REEP3: variants seen among roughly 807,000 people sequenced by gnomAD.
The protein encoded by REEP3 is receptor expression-enhancing protein 3.
REEP3 carries 20 observed loss-of-function variants against 41.3 expected under a neutral mutation model. That is an observed-to-expected ratio of 0.48 (90% CI 0.34 to 0.70). The LOEUF (loss-of-function observed/expected upper bound fraction) is 0.70, where lower values mean the gene tolerates loss of function less well. Among genes scored for constraint, REEP3 ranks in the 30% least tolerant of loss-of-function variants. The pLI, the probability that REEP3 is intolerant of heterozygous loss-of-function variation, is 0.01. For synonymous variants in REEP3, 104 were observed against 101.8 expected, an observed-to-expected ratio of 1.02 and a Z score of -0.13; for missense variants, 271 against 308.8, an observed-to-expected ratio of 0.88 and a Z score of 0.92.
chr10:63,539,741 T>C (rs1311968253), intron 1 of REEP3, among the ~76,000 whole-genome samples: 1 of 152,236 alleles, frequency 6.6e-6, no homozygotes, highest in Non-Finnish European at 1.5e-5. Flanking sequence ...TTACAAAGTA[T>C]TATACCATAT....
At chr10:63,551,831 A>G (rs978858046) in intron 1 of REEP3, among the ~76,000 whole-genome samples, 31 of 152,312 alleles carry the variant, frequency 2.0e-4, no homozygotes, top group African/African-American at 6.5e-4. Flanking sequence ...AAATTTGAAT[A>G]AAGTATGGAC....
intron 1 of REEP3, among the ~76,000 whole-genome samples, chr10:63,560,331 C>T (rs1047749781): frequency 6.6e-6 from 1 of 151,924 alleles, no homozygotes; most frequent in African/African-American, 2.4e-5. Flanking sequence ...GTTATTAAAC[C>T]ATTATTTATA....
chr10:63,603,475 A>G (rs1049820382), intron 5 of REEP3, among the ~76,000 whole-genome samples: 1 of 152,230 alleles, frequency 6.6e-6, no homozygotes, highest in South Asian at 2.1e-4. Context: ...CTTTTAATTT[A>G]TACGTTTAAC....
At chr10:63,583,695 A>G (rs561670715) in intron 2 of REEP3, among the ~76,000 whole-genome samples, 1 of 152,262 alleles carries the variant, frequency 6.6e-6, no homozygotes, top group Non-Finnish European at 1.5e-5. Context: ...TGTGTAGTCC[A>G]GTCTATATTT....
intron 1 of REEP3, among the ~76,000 whole-genome samples, chr10:63,530,406 GATAC>G (rs1955409386): frequency 6.6e-6 from 1 of 152,112 alleles, no homozygotes; most frequent in Admixed American, 6.5e-5. Flanking sequence ...CTAAGAATAA[GATAC>G]ATTGCTATTA....
At chr10:63,571,314 TTC>T (rs1373847300) in intron 2 of REEP3, among the ~76,000 whole-genome samples, 1 of 152,242 alleles carries the variant, frequency 6.6e-6, no homozygotes, top group African/African-American at 2.4e-5. Flanking sequence ...CGTAAATTTA[TTC>T]TCTTACAGTC....
intron 1 of REEP3, among the ~76,000 whole-genome samples, chr10:63,545,680 GTTTTTTTT>G (rs55779021): frequency 1.8e-5 from 1 of 55,414 alleles, no homozygotes; most frequent in Admixed American, 3.0e-4. Context: ...GCCAACTTCT[GTTTTTTTT>G]TTTTTTTTTT....
At chr10:63,618,237 CTTTTTTTTTT>C (rs60115766) in intron 6 of REEP3, among the ~76,000 whole-genome samples, 1 of 66,576 alleles carries the variant, frequency 1.5e-5, no homozygotes, top group Non-Finnish European at 2.9e-5. Context: ...TTTCCTTCTT[CTTTTTTTTTT>C]TTTTTTTTTT....
intron 6 of REEP3, among the ~76,000 whole-genome samples, 196 bp downstream of exon 6, chr10:63,610,530 TAACA>T (rs1287750801): frequency 2.6e-5 from 4 of 152,030 alleles, no homozygotes; most frequent in Admixed American, 6.6e-5. Context: ...TATACCTGTG[TAACA>T]AACCTGCGCA....
intron 1 of REEP3, among the ~76,000 whole-genome samples, chr10:63,536,083 A>G (rs956437726): frequency 2.0e-5 from 3 of 152,246 alleles, no homozygotes; most frequent in Non-Finnish European, 2.9e-5. Flanking sequence ...AACCATCTTC[A>G]TGACACAGGT....
chr10:63,613,062 T>G (rs903682293), intron 6 of REEP3, among the ~76,000 whole-genome samples: 2 of 152,036 alleles, frequency 1.3e-5, no homozygotes, highest in Non-Finnish European at 2.9e-5. Flanking sequence ...CCGAGGCTGG[T>G]GTGCAGTGGC....
rs1471899137 is a variant in REEP3 at position 63,527,304 on chromosome 10, A to AG, written c.32+5727_32+5728insG. ...TACTTCTCCCATCTTAAAAAAAAAA[A>AG]CTCTTTTAATCTACTATACTTTTCA... is the stretch of plus-strand genomic sequence containing the variant. On this transcript the variant is annotated intron_variant, in intron 1 of 7. Transcript: ENST00000373758. 9.0e-4 allele frequency among the ~76,000 whole-genome samples: 136 copies of AG among 151,542 alleles called. 1 individual carries two copies. Among genetic ancestry groups the AG allele is most frequent in the East Asian group, 5.8e-4 (3 of 5,146 alleles).
intron 2 of REEP3, among the ~76,000 whole-genome samples, chr10:63,593,409 G>A (rs1025688438): frequency 4.6e-5 from 7 of 152,268 alleles, no homozygotes; most frequent in South Asian, 4.1e-4. Context: ...AACCTGGACA[G>A]AAATCCTACC....
At chr10:63,617,812 CTTTTTT>C (rs60910642) in intron 6 of REEP3, among the ~76,000 whole-genome samples, 2 of 83,550 alleles carry the variant, frequency 2.4e-5, no homozygotes, top group Non-Finnish European at 2.3e-5. Flanking sequence ...TCCTTCTACT[CTTTTTT>C]TTTTTTTTTT....
intron 2 of REEP3, among the ~76,000 whole-genome samples, chr10:63,571,010 G>A (rs1194160777): frequency 6.6e-6 from 1 of 152,116 alleles, no homozygotes; most frequent in African/African-American, 2.4e-5. Context: ...AGCCACTCAG[G>A]AGGCTGAGGT....
intron 2 of REEP3, among the ~76,000 whole-genome samples, chr10:63,582,506 A>G (rs1955963884): frequency 1.3e-5 from 2 of 151,974 alleles, no homozygotes; most frequent in African/African-American, 2.4e-5. Context: ...TTTTAAAAAC[A>G]TATATGTTGA....
intron 1 of REEP3, among the ~76,000 whole-genome samples, chr10:63,560,597 C>T (rs1239242979): frequency 6.6e-6 from 1 of 152,126 alleles, no homozygotes; most frequent in African/African-American, 2.4e-5. Context: ...TCGGGGTGAA[C>T]AGTATCTTAT....
intron 4 of REEP3, among the ~76,000 whole-genome samples, chr10:63,598,801 A>C (rs989604706): frequency 4.9e-5 from 7 of 142,926 alleles, no homozygotes; most frequent in South Asian, 4.6e-4. Flanking sequence ...AAAAAAAAAG[A>C]AGCGCCTGGG....
Position 63,617,009 on chromosome 10 carries a change from C to T in REEP3, c.566-2646C>T, listed in dbSNP as rs538037753. On this transcript the variant is annotated intron_variant, in intron 6 of 7. Coordinates refer to ENST00000373758, the MANE Select transcript of REEP3 (RefSeq NM_001001330.3). ...GTTTCTATATGTACATTTTTTTTTT[C>T]CACACTTAATATTGCTTCAGGAGCT... Among the ~76,000 whole-genome samples, 70 of 150,098 alleles carry T rather than the reference C, an allele frequency of 4.7e-4. 1 individual carries two copies. In the South Asian group the frequency reaches 5.4e-3, roughly 12 times the overall value.
Sources: gnomAD v4.1 joint callset for allele counts (sites outside exome capture counted in the v4.1 genomes callset) on GRCh38, gnomAD v4.1.1 for gene constraint, MANE v1.5 for transcripts, NCBI Gene and HGNC (gene_info 2026-07-23, HGNC 2026-07-21) for gene names.